CCT2: variants seen among roughly 807,000 people sequenced by gnomAD.
CCT2 encodes chaperonin containing TCP1 subunit 2.
In CCT2, 18 loss-of-function variants were observed where a neutral mutation model predicts 61.8. The ratio of observed to expected loss-of-function variants is 0.29; its 90% CI spans 0.20 to 0.43. The LOEUF is 0.43. Among genes scored for constraint, CCT2 ranks in the 20% least tolerant of loss-of-function variants. CCT2 has a pLI of 1.00. For missense variants in CCT2, 556 were observed against 656.9 expected, an observed-to-expected ratio of 0.85 and a Z score of 1.68; for synonymous variants, 248 against 215.9, an observed-to-expected ratio of 1.15 and a Z score of -1.30.
chr12:69,601,536 C>A lies in CCT2; in HGVS notation c.*211C>A. On this transcript the variant is annotated 3_prime_UTR_variant, in exon 16 of 16. Transcript: ENST00000299300. ...AGTTGATTTAAAAAAGTTCATTTCTCATACTGTGCATTAAAATAAAAATTT... is the reference window on the plus strand; with the variant it reads ...AGTTGATTTAAAAAAGTTCATTTCTAATACTGTGCATTAAAATAAAAATTT... 7.3e-7 allele frequency: 1 copy of A among 1,379,282 alleles called. No homozygotes were observed. The highest frequency in any genetic ancestry group is 9.4e-7 in the Non-Finnish European group (1 of 1,059,272). 85.4% of individuals were successfully genotyped at this position (1,379,282 alleles called of 1,614,324 possible). A position where few individuals can be genotyped will look rare whatever the true frequency, so the allele number is the denominator to read the frequency against.
intron 10 of CCT2, among the ~76,000 whole-genome samples, chr12:69,594,660 C>T (rs2135856408): frequency 6.6e-6 from 1 of 152,138 alleles, no homozygotes; most frequent in East Asian, 1.9e-4. Context: ...AGTTCAAGAC[C>T]AGCCTGGGCA....
intron 7 of CCT2, 66 bp from the exon 8 acceptor site, chr12:69,591,991 CTT>C (rs137875319): frequency 0.42 from 375,104 of 890,470 alleles, 87,371 homozygotes; most frequent in African/African-American, 0.77. Context: ...AAGCAGACAG[CTT>C]TTTATAAGAT....
At chr12:69,586,041 T>G (rs1163639237) in intron 1 of CCT2, 78 of 1,381,408 alleles carry the variant, frequency 5.6e-5, no homozygotes, top group Non-Finnish European at 7.0e-5. Context: ...TGGTGTATAA[T>G]TTATACTCCC....
chr12:69,595,027 A>G (rs1440194328), intron 10 of CCT2, among the ~76,000 whole-genome samples: 2 of 151,380 alleles, frequency 1.3e-5, no homozygotes, highest in African/African-American at 4.9e-5. Flanking sequence ...GTCCTTGAAA[A>G]TGAATGAATA....
At chr12:69,585,935 C>A in intron 1 of CCT2, 1 of 1,269,988 alleles carries the variant, frequency 7.9e-7, no homozygotes, top group Non-Finnish European at 1.0e-6. Context: ...CCTCGCCCGC[C>A]CGGCAGGCGT....
At chr12:69,587,173 G>A (rs1011847384) in intron 3 of CCT2, 1 of 327,706 alleles carries the variant, frequency 3.1e-6, no homozygotes, top group African/African-American at 2.1e-5. Flanking sequence ...TTCAGTGTAA[G>A]TAGATAACAC....
intron 7 of CCT2, among the ~76,000 whole-genome samples, chr12:69,590,985 C>T (rs1370186221): frequency 2.0e-5 from 3 of 151,660 alleles, no homozygotes; most frequent in Admixed American, 1.3e-4. Context: ...TCCCAAAGTA[C>T]TGGGATTACA....
At chr12:69,592,647 C>T (rs563956404) in intron 8 of CCT2, 3 of 230,808 alleles carry the variant, frequency 1.3e-5, no homozygotes, top group Non-Finnish European at 2.5e-5. Flanking sequence ...GTAATGAGGC[C>T]TGGCGTGGTG....
intron 13 of CCT2, 94 bp downstream of exon 13, chr12:69,598,165 A>G (rs541496571): frequency 1.3e-5 from 14 of 1,046,892 alleles, no homozygotes; most frequent in Middle Eastern, 2.1e-4. Context: ...TACTGCTTTT[A>G]AATTTGATTC....
At position 69,586,290 on chromosome 12, in the gene CCT2, T is replaced by G. The variant is rs751339085; in HGVS notation, c.24T>G (p.Pro8=). Reference sequence around the variant, plus strand: ...TTCAGGCGTCCCTTTCCCTTGCACCTGTTAACATCTTTAAGGCAGGAGCTG... The same window carrying G: ...TTCAGGCGTCCCTTTCCCTTGCACCGGTTAACATCTTTAAGGCAGGAGCTG... MASLSLA[P]VNIFKAGADE... Residue 8 remains proline (P), a synonymous_variant, in exon 2 of 16, where the codon CCT becomes CCG. Coordinates refer to ENST00000299300, the MANE Select transcript of CCT2 (RefSeq NM_006431.3). 2 of 1,613,542 alleles carry G rather than the reference T, an allele frequency of 1.2e-6. No individual in the cohort carries two copies. The highest frequency in any genetic ancestry group is 1.7e-6 in the Non-Finnish European group (2 of 1,179,556).
Position 69,588,230 on chromosome 12 carries a change from A to G in CCT2, c.414A>G (p.Arg138=). The change falls in exon 6 of 16, where the codon AGA becomes AGG. Residue 138 remains arginine (R), a synonymous_variant. Transcript: ENST00000299300. The part of the protein sequence containing the change: ...AGWREATKAA[R]EALLSSAVDH... Reference sequence around the variant, plus strand: ...GGAGAGAAGCCACGAAGGCTGCAAGAGAGGCGCTGTTGAGTTCTGCAGTTG... The same window carrying G: ...GGAGAGAAGCCACGAAGGCTGCAAGGGAGGCGCTGTTGAGTTCTGCAGTTG... 6.2e-7 allele frequency: 1 copy of G among 1,614,086 alleles called. No individual in the cohort carries two copies. The highest frequency in any genetic ancestry group is 1.3e-5 in the African/African-American group (1 of 75,064).
chr12:69,593,678 C>G (rs1339371564), intron 10 of CCT2, 65 bp downstream of exon 10: 14 of 903,452 alleles, frequency 1.5e-5, no homozygotes, highest in Non-Finnish European at 2.5e-5. Flanking sequence ...TTATTTGTTA[C>G]TATATGCAAC....
At chr12:69,592,313 T>TA (rs201121457) in intron 8 of CCT2, 154 bp downstream of exon 8, 9,195 of 336,824 alleles carry the variant, frequency 0.027, 1 homozygote, top group East Asian at 0.072. Flanking sequence ...CTGTCTCTAC[T>TA]AAAAAAAAAA....
intron 15 of CCT2, 39 bp downstream of exon 15, chr12:69,600,043 A>T: frequency 6.4e-7 from 1 of 1,555,374 alleles, no homozygotes; most frequent in East Asian, 2.3e-5. Context: ...TACTAACAGC[A>T]AAACAAAATA....
At chr12:69,593,360 A>G in intron 9 of CCT2, 150 bp from the exon 10 acceptor site, 1 of 628,712 alleles carries the variant, frequency 1.6e-6, no homozygotes, top group Non-Finnish European at 2.7e-6. Flanking sequence ...ACTATAGTTG[A>G]TAAACTCTAA....
At chr12:69,598,547 A>T in intron 14 of CCT2, 126 bp downstream of exon 14, 1 of 498,814 alleles carries the variant, frequency 2.0e-6, no homozygotes, top group Non-Finnish European at 3.5e-6. Flanking sequence ...CTTTGTCCTC[A>T]TAATCATTAC....
chr12:69,595,446 T>A (rs573083026), intron 10 of CCT2, among the ~76,000 whole-genome samples: 1 of 152,258 alleles, frequency 6.6e-6, no homozygotes, highest in Admixed American at 6.5e-5. Context: ...CCCAGCACTT[T>A]AGGAAGGCCT....
At chr12:69,589,285 T>G in intron 6 of CCT2, 200 bp from the exon 7 acceptor site, 1 of 433,626 alleles carries the variant, frequency 2.3e-6, no homozygotes, top group Non-Finnish European at 3.8e-6. Flanking sequence ...CACCCCTCTT[T>G]TTTTTTTGGC....
Position 69,597,958 on chromosome 12 carries a change from TA to T in CCT2, c.1232-8del, listed in dbSNP as rs1310113618. ...GCATTGCAATATTTTATTGGAATTT[TA>T]ATCTTTAGGCTGTTCTGAGATGTTG... On this transcript the variant is annotated splice_polypyrimidine_tract_variant and intron_variant, in intron 12 of 15. Coordinates refer to ENST00000299300, the MANE Select transcript of CCT2 (RefSeq NM_006431.3). The T allele has an allele frequency of 1.0e-5, 16 of 1,607,240 alleles. No homozygotes were observed. Among genetic ancestry groups the T allele is most frequent in the Non-Finnish European group, 1.4e-5 (16 of 1,175,148 alleles).
Sources: gnomAD v4.1 joint callset for allele counts (sites outside exome capture counted in the v4.1 genomes callset) on GRCh38, gnomAD v4.1.1 for gene constraint, MANE v1.5 for transcripts, NCBI Gene and HGNC (gene_info 2026-07-23, HGNC 2026-07-21) for gene names.